Variants in ZNF280D observed in about 807,000 individuals in gnomAD.
ZNF280D encodes suppressor of hairy wing homolog 4.
A neutral mutation model predicts 94.7 loss-of-function variants in ZNF280D; 39 were observed. The observed-to-expected ratio is 0.41, with a 90% confidence interval of 0.32 to 0.54. The LOEUF (loss-of-function observed/expected upper bound fraction) is 0.54, where lower values mean the gene tolerates loss of function less well. Ranked by LOEUF, ZNF280D falls within the 20% of genes least tolerant of loss-of-function variation. ZNF280D has a pLI of 0.22. For synonymous variants in ZNF280D, 398 were observed against 377.6 expected (o/e 1.05, Z -0.63); for missense variants, 1,090 against 1,149.3 (o/e 0.95, Z 0.75).
At chr15:56,674,873 A>G (rs2055109443) in intron 13 of ZNF280D, among the ~76,000 whole-genome samples, 1 of 152,074 alleles carries the variant, frequency 6.6e-6, no homozygotes, top group Non-Finnish European at 1.5e-5. Context: ...ATCTTTAAAA[A>G]AAGTTACAAC....
chr15:56,647,613 C>A (rs1044021101), intron 19 of ZNF280D, among the ~76,000 whole-genome samples: 3 of 152,166 alleles, frequency 2.0e-5, no homozygotes, highest in Non-Finnish European at 2.9e-5. Context: ...CTCACTGTAA[C>A]CTCCACATCC....
rs1166088267 is a variant in ZNF280D, at chr15:56,733,443, C to T, written c.-86+15G>A. The stretch of plus-strand genomic sequence containing the variant: ...TGCTGCAGCGCAGGGCGGGCGGGGG[C>T]GGGGGGGCGCTTACCGTGAGCGGAG... On this transcript the variant is annotated intron_variant, in intron 1 of 21. Coordinates refer to ENST00000267807, the MANE Select transcript of ZNF280D (RefSeq NM_017661.4). 1.9e-6 allele frequency: 2 copies of T among 1,055,332 alleles called. No individual in the cohort carries two copies. The highest frequency in any genetic ancestry group is 2.3e-6 in the Non-Finnish European group (2 of 869,368). The allele number at this position is 1,055,332 out of a possible 1,614,324, so 65.4% of individuals were successfully genotyped here.
Position 56,676,264 on chromosome 15 carries a change from G to A in ZNF280D, c.1410+406C>T, listed in dbSNP as rs570948380. Among the ~76,000 whole-genome samples the A allele has an allele frequency of 1.5e-3, 222 of 152,056 alleles. 2 individuals carry two copies. The highest frequency in any genetic ancestry group is 4.9e-3 in the African/African-American group (205 of 41,444). On this transcript the variant is annotated intron_variant, in intron 13 of 21. Coordinates refer to ENST00000267807, the MANE Select transcript of ZNF280D (RefSeq NM_017661.4). ...TGAAATAAAGTTTGAAGAGCAAAAC[G>A]AAAAATAAGATTATAAATCCTCAGT... is the stretch of plus-strand genomic sequence containing the variant.
intron 3 of ZNF280D, among the ~76,000 whole-genome samples, chr15:56,706,594 A>C (rs1459870059): frequency 6.6e-6 from 1 of 152,158 alleles, no homozygotes; most frequent in Non-Finnish European, 1.5e-5. Flanking sequence ...CGACACCTTC[A>C]TCTTGGACTT....
At chr15:56,691,950 A>ATTG (rs1199178600) in intron 7 of ZNF280D, among the ~76,000 whole-genome samples, 1 of 152,178 alleles carries the variant, frequency 6.6e-6, no homozygotes, top group East Asian at 1.9e-4. Flanking sequence ...AGGTAACTTA[A>ATTG]TAGAGACTAC....
chr15:56,678,873 A>G, intron 10 of ZNF280D, 52 bp from the exon 11 acceptor site: 1 of 1,422,826 alleles, frequency 7.0e-7, no homozygotes, highest in Non-Finnish European at 9.3e-7. Flanking sequence ...AACAAAAAGG[A>G]AATCTCACAA....
Position 56,631,736 on chromosome 15 carries a change from T to A in ZNF280D, c.2702A>T (p.His901Leu). ...VSIDQFLRKR[H>L]EPESVSSDVS... ...ATCAGAACTAACAGATTCAGGTTCATGTCTTTTTCTCAAAAACTGATCAAT... is the reference window on the plus strand; with the variant it reads ...ATCAGAACTAACAGATTCAGGTTCAAGTCTTTTTCTCAAAAACTGATCAAT... The change falls in exon 22 of 22, where the codon CAT becomes CTT. Residue 901 changes from histidine (H) to leucine (L), a missense_variant. This residue lies in a region of ZNF280D where 577 missense variants were observed against 568.8 expected (regional missense o/e 1.01). Transcript: ENST00000267807. 3.1e-6 allele frequency: 5 copies of A among 1,614,184 alleles called. No homozygotes were observed. Among genetic ancestry groups the A allele is most frequent in the Non-Finnish European group, 4.2e-6 (5 of 1,180,016 alleles).
chr15:56,700,572 T>C (rs1219111699), intron 6 of ZNF280D: 4 of 1,112,900 alleles, frequency 3.6e-6, no homozygotes, highest in Non-Finnish European at 4.4e-6. Context: ...AAAGCTATGA[T>C]GGTCACTTGA....
chr15:56,726,449 A>G (rs1323651917), intron 1 of ZNF280D, among the ~76,000 whole-genome samples: 1 of 152,214 alleles, frequency 6.6e-6, no homozygotes, highest in Non-Finnish European at 1.5e-5. Flanking sequence ...TTACTACTTT[A>G]AAATAGATTA....
chr15:56,670,870 C>A (rs2054816034), intron 13 of ZNF280D, among the ~76,000 whole-genome samples: 1 of 152,056 alleles, frequency 6.6e-6, no homozygotes, highest in Non-Finnish European at 1.5e-5. Context: ...TTAATAATAG[C>A]CATTCTGACA....
intron 13 of ZNF280D, among the ~76,000 whole-genome samples, chr15:56,673,826 C>T (rs1421740298): frequency 6.6e-6 from 1 of 152,040 alleles, no homozygotes; most frequent in Non-Finnish European, 1.5e-5. Flanking sequence ...AGGTAATTCA[C>T]ATGGCTTACT....
intron 19 of ZNF280D, among the ~76,000 whole-genome samples, chr15:56,649,295 G>C (rs1184167547): frequency 6.6e-6 from 1 of 152,062 alleles, no homozygotes; most frequent in Non-Finnish European, 1.5e-5. Flanking sequence ...GTAGAGATTG[G>C]TACAGTTTGT....
intron 1 of ZNF280D, among the ~76,000 whole-genome samples, chr15:56,728,327 A>G (rs558879346): frequency 2.0e-5 from 3 of 152,284 alleles, no homozygotes; most frequent in Admixed American, 6.5e-5. Context: ...GCCTTGATAC[A>G]ACGCTTAAGT....
intron 4 of ZNF280D, among the ~76,000 whole-genome samples, chr15:56,702,665 T>A (rs1298223344): frequency 6.6e-6 from 1 of 152,162 alleles, no homozygotes; most frequent in Non-Finnish European, 1.5e-5. Flanking sequence ...TGTCCCACTA[T>A]CACCGACGAT....
chr15:56,702,786 ACT>A (rs1184531689), intron 4 of ZNF280D, among the ~76,000 whole-genome samples: 3 of 151,942 alleles, frequency 2.0e-5, no homozygotes, highest in Admixed American at 1.3e-4. Flanking sequence ...TGGTGAAATT[ACT>A]CTCTCTCTGA....
At chr15:56,723,358 A>G (rs1596686534) in intron 1 of ZNF280D, among the ~76,000 whole-genome samples, 4 of 152,318 alleles carry the variant, frequency 2.6e-5, no homozygotes, top group South Asian at 4.1e-4. Context: ...TGAAAGTGAA[A>G]GAAGTCAGTC....
chr15:56,724,900 G>C (rs1260697122), intron 1 of ZNF280D: 1 of 454,770 alleles, frequency 2.2e-6, no homozygotes, highest in Non-Finnish European at 4.4e-6. Context: ...TGGAATGTAA[G>C]AAAGCTATTT....
At chr15:56,668,244 GT>G (rs1243463059) in intron 14 of ZNF280D, 1 of 428,590 alleles carries the variant, frequency 2.3e-6, no homozygotes, top group East Asian at 7.3e-5. Flanking sequence ...AGAGCTGACT[GT>G]ATATAAAGAA....
intron 1 of ZNF280D, among the ~76,000 whole-genome samples, chr15:56,717,276 T>G (rs1210698779): frequency 6.6e-6 from 1 of 152,122 alleles, no homozygotes. Flanking sequence ...AGATGTCCAC[T>G]ACAAGGAATT....
Sources: allele counts gnomAD v4.1 joint callset (sites outside exome capture counted in the v4.1 genomes callset), GRCh38; gene constraint gnomAD v4.1.1; regional missense constraint gnomAD v4.1.1; transcripts MANE v1.5; gene names NCBI Gene and HGNC (gene_info 2026-07-23, HGNC 2026-07-21).